The following MAF variants were observed in gnomAD, a reference collection of about 807,000 sequenced individuals.
MAF encodes MAF bZIP transcription factor.
A neutral mutation model predicts 22.0 loss-of-function variants in MAF; 10 were observed. The ratio of observed to expected loss-of-function variants is 0.45; its 90% CI spans 0.28 to 0.77. The LOEUF (loss-of-function observed/expected upper bound fraction) is 0.77. Among genes scored for constraint, MAF ranks in the 30% least tolerant of loss-of-function variants. The probability of loss-of-function intolerance (pLI) is 0.12; values close to 1 mark genes in which losing one functional copy is unlikely to be tolerated. For missense variants in MAF, 544 were observed against 548.4 expected (o/e 0.99, Z 0.08); for synonymous variants, 337 against 255.8 (o/e 1.32, Z -3.03).
the MAF span, among the ~76,000 whole-genome samples, chr16:79,290,781 G>C: frequency 6.6e-6 from 1 of 152,030 alleles, no homozygotes; most frequent in Non-Finnish European, 1.5e-5. Flanking sequence ...GGGCGAATTT[G>C]GTGTTTCTCA....
chr16:79,576,315 A>G, the MAF span, among the ~76,000 whole-genome samples: 120 of 151,198 alleles, frequency 7.9e-4, no homozygotes, highest in Non-Finnish European at 1.2e-3. Context: ...TGTGAATTCC[A>G]TCAGGCGATT....
the MAF span, among the ~76,000 whole-genome samples, chr16:79,502,710 T>TATAAATATATATAC: frequency 2.4e-4 from 4 of 16,596 alleles, no homozygotes; most frequent in Non-Finnish European, 4.8e-4. Context: ...TAAATATAAA[T>TATAAATATATATAC]ATATATATAT....
chr16:79,272,894 C>T, the MAF span, among the ~76,000 whole-genome samples: 1 of 152,170 alleles, frequency 6.6e-6, no homozygotes, highest in African/African-American at 2.4e-5. Context: ...GATTGACCCC[C>T]TTGCCAAAGC....
At chr16:79,296,467 A>G in the MAF span, among the ~76,000 whole-genome samples, 2 of 152,190 alleles carry the variant, frequency 1.3e-5, no homozygotes, top group Admixed American at 6.5e-5. Flanking sequence ...CTACCATGGC[A>G]TATGTTTACT....
At chr16:79,399,219 G>C in the MAF span, among the ~76,000 whole-genome samples, 1 of 152,176 alleles carries the variant, frequency 6.6e-6, no homozygotes, top group African/African-American at 2.4e-5. Flanking sequence ...TCAGGTTTCA[G>C]ATCTATCAAA....
At chr16:79,359,110 T>C in the MAF span, among the ~76,000 whole-genome samples, 48 of 152,346 alleles carry the variant, frequency 3.2e-4, no homozygotes, top group African/African-American at 1.2e-3. Context: ...GGTTTGGAAC[T>C]ATAACATGCC....
At chr16:79,458,109 AGTGTGTGTGTGTGTGTGTGTGT>A in the MAF span, among the ~76,000 whole-genome samples, 2 of 136,328 alleles carry the variant, frequency 1.5e-5, no homozygotes, top group African/African-American at 5.3e-5. Flanking sequence ...GGTATGTATA[AGTGTGTGTGTGTGTGTGTGTGT>A]GTGTGTGTGT....
At chr16:79,218,156 T>C in the MAF span, among the ~76,000 whole-genome samples, 6 of 152,042 alleles carry the variant, frequency 3.9e-5, no homozygotes, top group Admixed American at 6.6e-5. Flanking sequence ...AACAAACAGC[T>C]CTGAGTTGTA....
At position 79,599,912 on chromosome 16, in the gene MAF, GCC is replaced by G. The variant is rs773714374; in HGVS notation, c.-12_-11del. Reference sequence around the variant, plus strand: ...CCAGTTCTGATGCCATTCTCCTGCCGCCGCCGCCGCCGCCGCCGCCGCTCCGC... The same window carrying G: ...CCAGTTCTGATGCCATTCTCCTGCCGGCCGCCGCCGCCGCCGCCGCTCCGC... On this transcript the variant is annotated 5_prime_UTR_variant, in exon 1 of 2. Coordinates refer to ENST00000326043, the MANE Select transcript of MAF (RefSeq NM_005360.5). 1 of 794,342 alleles carries G rather than the reference GCC, an allele frequency of 1.3e-6. No individual in the cohort carries two copies. Among genetic ancestry groups the G allele is most frequent in the South Asian group, 2.1e-5 (1 of 46,710 alleles). 49.2% of individuals were successfully genotyped at this position (794,342 alleles called of 1,614,324 possible). A position where few individuals can be genotyped will look rare whatever the true frequency, so the allele number is the denominator to read the frequency against.
At position 79,599,959 on chromosome 16, in the gene MAF, G is replaced by GGGCCAGCGGGCTGTGCTGGGT; in HGVS notation, c.-78_-58dup. The GGGCCAGCGGGCTGTGCTGGGT allele has an allele frequency of 1.3e-6, 2 of 1,595,974 alleles. No individual in the cohort carries two copies. Among genetic ancestry groups the GGGCCAGCGGGCTGTGCTGGGT allele is most frequent in the Non-Finnish European group, 1.7e-6 (2 of 1,178,478 alleles). On this transcript the variant is annotated 5_prime_UTR_variant, in exon 1 of 2. Transcript: ENST00000326043. ...CTCCGCCAGATGGGCTGCAGGAGAG[G>GGGCCAGCGGGCTGTGCTGGGT]GGCCAGCGGGCTGTGCTGGGTGGCC...
the MAF span, among the ~76,000 whole-genome samples, chr16:79,537,290 A>C: frequency 6.6e-6 from 1 of 152,216 alleles, no homozygotes. Flanking sequence ...ATATCCAAAT[A>C]CACATTGATA....
chr16:79,580,567 G>A, the MAF span, among the ~76,000 whole-genome samples: 1 of 152,156 alleles, frequency 6.6e-6, no homozygotes, highest in Non-Finnish European at 1.5e-5. Context: ...GGGCTTCGAA[G>A]GTCTGATGAG....
the MAF span, among the ~76,000 whole-genome samples, chr16:79,218,601 T>A: frequency 1.3e-5 from 2 of 152,204 alleles, no homozygotes; most frequent in African/African-American, 4.8e-5. Flanking sequence ...TTCCCACTGA[T>A]AACATTTTAA....
chr16:79,578,051 T>A, the MAF span, among the ~76,000 whole-genome samples: 1 of 152,190 alleles, frequency 6.6e-6, no homozygotes, highest in Non-Finnish European at 1.5e-5. Context: ...TCTGAACTAA[T>A]GAGCCCATAA....
At chr16:79,301,102 G>A in the MAF span, among the ~76,000 whole-genome samples, 2 of 152,128 alleles carry the variant, frequency 1.3e-5, no homozygotes, top group Admixed American at 6.5e-5. Flanking sequence ...AGCCGTCCAG[G>A]TAGGGAGGAA....
At chr16:79,470,358 C>G in the MAF span, among the ~76,000 whole-genome samples, 1 of 152,000 alleles carries the variant, frequency 6.6e-6, no homozygotes, top group African/African-American at 2.4e-5. Context: ...TGTTACTGAG[C>G]CCCCCCAGGG....
At chr16:79,291,271 A>G in the MAF span, among the ~76,000 whole-genome samples, 9 of 152,160 alleles carry the variant, frequency 5.9e-5, no homozygotes, top group East Asian at 1.4e-3. Flanking sequence ...TCCCTTGCCA[A>G]CTGGCTTCCT....
the MAF span, among the ~76,000 whole-genome samples, chr16:79,368,154 G>T: frequency 6.6e-6 from 1 of 152,158 alleles, no homozygotes; most frequent in Non-Finnish European, 1.5e-5. Context: ...CACAGAGATT[G>T]CACAGACTGG....
chr16:79,399,701 C>T, the MAF span, among the ~76,000 whole-genome samples: 459 of 152,226 alleles, frequency 3.0e-3, no homozygotes, highest in African/African-American at 0.01. Flanking sequence ...TAACCGAGAT[C>T]AAGGCATCAA....
Sources: gnomAD v4.1 joint callset for allele counts (sites outside exome capture counted in the v4.1 genomes callset) on GRCh38, gnomAD v4.1.1 for gene constraint, MANE v1.5 for transcripts, NCBI Gene and HGNC (gene_info 2026-07-23, HGNC 2026-07-21) for gene names.